The following BCAR1 variants were observed in gnomAD, a reference collection of about 807,000 sequenced individuals.
The protein encoded by BCAR1 is breast cancer anti-estrogen resistance protein 1.
In BCAR1, 30 loss-of-function variants were observed where a neutral mutation model predicts 67.6. The ratio of observed to expected loss-of-function variants is 0.44; its 90% CI spans 0.33 to 0.60. The LOEUF is 0.60. BCAR1 is among the 20% of genes least tolerant of loss of function. The probability of loss-of-function intolerance (pLI) is 0.02; values close to 1 mark genes in which losing one functional copy is unlikely to be tolerated. For missense variants in BCAR1, 1,313 were observed against 1,222.3 expected (o/e 1.07, Z -1.11); for synonymous variants, 626 against 556.7 (o/e 1.12, Z -1.75).
rs974189539 is a variant in BCAR1, at chr16:75,234,026, C to T, written c.2011-91G>A. The T allele has an allele frequency of 1.0e-5, 13 of 1,284,866 alleles. No individual in the cohort carries two copies. The African/African-American group carries it at 1.9e-4, about 19-fold the overall frequency. The allele number at this position is 1,284,866 out of a possible 1,614,324, so 79.6% of individuals were successfully genotyped here. On this transcript the variant is annotated intron_variant, in intron 5 of 6. Transcript: ENST00000162330. Reference sequence around the variant, plus strand: ...GTGGCGGGCGCAGTGAGCTGAGTGGCCACCAGGTGGTGCTGCGTGTGCGCG... The same window carrying T: ...GTGGCGGGCGCAGTGAGCTGAGTGGTCACCAGGTGGTGCTGCGTGTGCGCG...
Position 75,242,598 on chromosome 16 carries a change from G to A in BCAR1, c.505C>T (p.Pro169Ser), listed in dbSNP as rs745390520. 4 of 1,493,448 alleles carry A rather than the reference G, an allele frequency of 2.7e-6. No individual in the cohort carries two copies. The Admixed American group carries it at 7.3e-5, about 27-fold the overall frequency. 92.5% of individuals were successfully genotyped at this position (1,493,448 alleles called of 1,614,324 possible). Residue 169 changes from proline (P) to serine (S), a missense_variant, in exon 2 of 7, where the codon CCA becomes TCA. By Grantham distance (74) the Pro-to-Ser change is moderately conservative (BLOSUM62 -1). This residue lies in a region of BCAR1 where 1,272 missense variants were observed against 1,137.5 expected (regional missense o/e 1.12). Coordinates refer to ENST00000162330, the MANE Select transcript of BCAR1 (RefSeq NM_014567.5). Reference protein sequence around the residue: ...SPATDLYQVPPGPGGPAQDIY... With the variant: ...SPATDLYQVPSGPGGPAQDIY... ...TCCTGGGCAGGGCCTCCAGGCCCTG[G>A]GGGCACCTGGTACAGGTCTGTGGCC...
At chr16:75,243,590 A>G (rs2077424981) in intron 1 of BCAR1, 1 of 437,366 alleles carries the variant, frequency 2.3e-6, no homozygotes, top group Admixed American at 2.7e-5. Flanking sequence ...CCCAAATCCA[A>G]AAAGTCAGTA....
At chr16:75,239,692 C>T (rs964402448) in intron 2 of BCAR1, among the ~76,000 whole-genome samples, 1 of 152,174 alleles carries the variant, frequency 6.6e-6, no homozygotes, top group Admixed American at 6.5e-5. Context: ...GCTGCGACCA[C>T]GGCCACCAGG....
At chr16:75,254,854 G>A (rs11647214), upstream of BCAR1, among the ~76,000 whole-genome samples, 30,307 of 152,178 alleles carry the variant, frequency 0.2, 3,717 homozygotes, top group East Asian at 0.47. Context: ...CAGCACACCA[G>A]GACACTAAGT....
intron 6 of BCAR1, among the ~76,000 whole-genome samples, chr16:75,232,031 G>A (rs966843467): frequency 2.0e-5 from 3 of 151,836 alleles, no homozygotes; most frequent in Non-Finnish European, 2.9e-5. Flanking sequence ...ACAGGCATGT[G>A]CCACCATGCC....
intron 1 of BCAR1, chr16:75,243,419 C>A: frequency 1.7e-6 from 1 of 602,486 alleles, no homozygotes; most frequent in East Asian, 3.7e-5. Context: ...TGGACCAACA[C>A]AAGGAGAGCG....
intron 1 of BCAR1, chr16:75,248,155 G>A (rs2077576399): frequency 1.3e-6 from 2 of 1,586,992 alleles, no homozygotes; most frequent in Non-Finnish European, 1.7e-6. Flanking sequence ...CTGAGACACG[G>A]TGGAGCTGGG....
chr16:75,247,873 C>T, intron 1 of BCAR1: 2 of 644,518 alleles, frequency 3.1e-6, no homozygotes, highest in Non-Finnish European at 5.5e-6. Context: ...GCAAGAACTC[C>T]TGTTCTCTGC....
upstream of BCAR1, among the ~76,000 whole-genome samples, chr16:75,254,029 G>C (rs1228930262): frequency 1.3e-5 from 2 of 150,272 alleles, no homozygotes; most frequent in Non-Finnish European, 2.9e-5. Context: ...TCGAACTCCT[G>C]ACCTCAAGTG....
intron 1 of BCAR1, among the ~76,000 whole-genome samples, chr16:75,267,142 G>A (rs187799184): frequency 3.3e-5 from 5 of 152,320 alleles, no homozygotes; most frequent in Non-Finnish European, 5.9e-5. Context: ...TTCTCCAGGA[G>A]TGTCCCGGTG....
At chr16:75,245,219 T>G (rs1185726133) in intron 1 of BCAR1, among the ~76,000 whole-genome samples, 1 of 152,142 alleles carries the variant, frequency 6.6e-6, no homozygotes, top group African/African-American at 2.4e-5. Flanking sequence ...TCACAGCCCA[T>G]CGGGGGCGGG....
intron 1 of BCAR1, among the ~76,000 whole-genome samples, chr16:75,257,930 C>T (rs191629302): frequency 1.3e-5 from 2 of 152,322 alleles, no homozygotes; most frequent in South Asian, 2.1e-4. Context: ...GACTCCAACT[C>T]GCCGTGGGCC....
chr16:75,254,220 C>G, upstream of BCAR1, among the ~76,000 whole-genome samples: 1 of 152,140 alleles, frequency 6.6e-6, no homozygotes, highest in East Asian at 1.9e-4. Flanking sequence ...TAGACCTCAG[C>G]CCACCCTGCA....
intron 6 of BCAR1, among the ~76,000 whole-genome samples, chr16:75,233,037 G>A (rs2076955442): frequency 6.6e-6 from 1 of 152,032 alleles, no homozygotes; most frequent in Admixed American, 6.5e-5. Context: ...AAAATATGAG[G>A]AAAATTCTAT....
At position 75,229,384 on chromosome 16, in the gene BCAR1, G is replaced by A. The variant is rs1011258034; in HGVS notation, c.*127C>T. On this transcript the variant is annotated 3_prime_UTR_variant, in exon 7 of 7. Transcript: ENST00000162330. ...ATATATACAGATTCCTGGGCATCCA[G>A]GGCACCAGGACCGACGCAGAGCTGG... is the stretch of plus-strand genomic sequence containing the variant. The A allele has an allele frequency of 6.7e-6, 9 of 1,337,690 alleles. No individual in the cohort carries two copies. Among genetic ancestry groups the A allele is most frequent in the African/African-American group, 4.4e-5 (3 of 67,716 alleles). The allele number at this position is 1,337,690 out of a possible 1,614,324, so 82.9% of individuals were successfully genotyped here. A position where few individuals can be genotyped will look rare whatever the true frequency, so the allele number is the denominator to read the frequency against.
chr16:75,243,458 AAAAC>A, intron 1 of BCAR1: 3 of 562,518 alleles, frequency 5.3e-6, no homozygotes, highest in Non-Finnish European at 1.0e-5. Context: ...CTGCCAAGTT[AAAAC>A]AAATAGCAAA....
intron 1 of BCAR1, chr16:75,246,488 C>T (rs982473259): frequency 6.6e-6 from 1 of 152,192 alleles, no homozygotes; most frequent in African/African-American, 2.4e-5. Context: ...ACGGCCTCCC[C>T]AAAGAGATGA....
At chr16:75,248,071 G>A in intron 1 of BCAR1, 2 of 1,577,822 alleles carry the variant, frequency 1.3e-6, no homozygotes, top group Non-Finnish European at 8.6e-7. Context: ...TTACTAGACA[G>A]GAAAACCAAG....
rs371754964 is a variant in BCAR1 at position 75,235,011 on chromosome 16, T to C, written c.1888A>G (p.Ser630Gly). The C allele has an allele frequency of 4.3e-6, 7 of 1,612,702 alleles. No individual in the cohort carries two copies. The highest frequency in any genetic ancestry group is 3.4e-6 in the Non-Finnish European group (4 of 1,179,540). Residue 630 changes from serine (S) to glycine (G), a missense_variant, in exon 5 of 7, where the codon AGC becomes GGC. Ser to Gly is a moderately conservative substitution (Grantham distance 56). Around this residue, in one of 2 missense-constraint regions of BCAR1, gnomAD observed 1,272 missense variants for 1,137.5 expected, o/e 1.12. Coordinates refer to ENST00000162330, the MANE Select transcript of BCAR1 (RefSeq NM_014567.5). Reference protein sequence around the residue: ...TLHPNPTDKTSSIQSRPLPSP... With the variant: ...TLHPNPTDKTGSIQSRPLPSP... ...GGCAGGGGTCGTGACTGGATGCTGCTGGTCTTGTCAGTGGGGTTGGGGTGC... is the reference window on the plus strand; with the variant it reads ...GGCAGGGGTCGTGACTGGATGCTGCCGGTCTTGTCAGTGGGGTTGGGGTGC...
Sources: gnomAD v4.1 joint callset for allele counts (sites outside exome capture counted in the v4.1 genomes callset) on GRCh38, gnomAD v4.1.1 for gene constraint, gnomAD v4.1.1 regional missense constraint, MANE v1.5 for transcripts, NCBI Gene and HGNC (gene_info 2026-07-23, HGNC 2026-07-21) for gene names.